COL4A1: variants seen among roughly 807,000 people sequenced by gnomAD.
COL4A1 encodes the protein collagen alpha-1(IV) chain.
In COL4A1, 40 loss-of-function variants were observed where a neutral mutation model predicts 216.6. That is an observed-to-expected ratio of 0.18 (90% confidence interval 0.14 to 0.24). The LOEUF (loss-of-function observed/expected upper bound fraction) is 0.24, where lower values mean the gene tolerates loss of function less well. COL4A1 is among the 10% of genes least tolerant of loss of function. The pLI, the probability that COL4A1 is intolerant of heterozygous loss-of-function variation, is 1.00. For synonymous variants in COL4A1, 839 were observed against 810.7 expected (o/e 1.03, Z -0.59); for missense variants, 1,628 against 2,196.8 (o/e 0.74, Z 5.18).
At chr13:110,275,759 T>C (rs551801933) in intron 1 of COL4A1, among the ~76,000 whole-genome samples, 27 of 152,224 alleles carry the variant, frequency 1.8e-4, no homozygotes, top group Admixed American at 5.9e-4. Context: ...TGGAGGAACC[T>C]CAAATGCATA....
At position 110,212,595 on chromosome 13, in the gene COL4A1, G is replaced by A. The variant is rs1012892048; in HGVS notation, c.303C>T (p.Tyr101=). Residue 101 remains tyrosine (Y), a synonymous_variant, in exon 5 of 52, where the codon TAC becomes TAT. Coordinates refer to ENST00000375820, the MANE Select transcript of COL4A1 (RefSeq NM_001845.6). ...ATACGGGAAGTCCTGGGTTTCCAGG[G>A]TAGCCAGATGCTCCCGGAGGTCCCT... The part of the protein sequence containing the change: ...GTRGPPGASG[Y]PGNPGLPGIP... 7 of 1,614,128 alleles carry A rather than the reference G, an allele frequency of 4.3e-6. No individual in the cohort carries two copies. The highest frequency in any genetic ancestry group is 1.3e-5 in the African/African-American group (1 of 75,054).
intron 1 of COL4A1, among the ~76,000 whole-genome samples, chr13:110,281,248 C>T (rs1883623906): frequency 1.3e-5 from 2 of 152,182 alleles, no homozygotes; most frequent in African/African-American, 4.8e-5. Flanking sequence ...GACTAACCTC[C>T]CCCCGCCATC....
chr13:110,199,298 A>T (rs1457605077), intron 20 of COL4A1, among the ~76,000 whole-genome samples: 1 of 152,184 alleles, frequency 6.6e-6, no homozygotes, highest in Non-Finnish European at 1.5e-5. Flanking sequence ...TATGATGAGG[A>T]GAGTGTGAGA....
At chr13:110,256,284 C>A (rs1882566591) in intron 1 of COL4A1, among the ~76,000 whole-genome samples, 1 of 151,920 alleles carries the variant, frequency 6.6e-6, no homozygotes, top group Non-Finnish European at 1.5e-5. Context: ...AAAAACACAT[C>A]AAAAAAACTA....
At chr13:110,296,986 G>A (rs187545211) in intron 1 of COL4A1, among the ~76,000 whole-genome samples, 2 of 152,334 alleles carry the variant, frequency 1.3e-5, no homozygotes, top group Non-Finnish European at 2.9e-5. Context: ...ACCAGGGCAT[G>A]CCACCTTCTA....
At chr13:110,276,075 G>A (rs534545510) in intron 1 of COL4A1, among the ~76,000 whole-genome samples, 1 of 151,352 alleles carries the variant, frequency 6.6e-6, no homozygotes, top group South Asian at 2.1e-4. Context: ...GGATAGTGAC[G>A]TGTCGGTGCA....
At chr13:110,294,382 A>G (rs4771662) in intron 1 of COL4A1, among the ~76,000 whole-genome samples, 143,557 of 152,322 alleles carry the variant, frequency 0.94, 68,203 homozygotes, top group East Asian at 1. Context: ...GTGCCAAGAA[A>G]TCTTGCACAC....
chr13:110,277,194 T>C lies in COL4A1; in HGVS notation c.84+29750A>G, dbSNP rs570514411. On this transcript the variant is annotated intron_variant, in intron 1 of 51. Coordinates refer to ENST00000375820, the MANE Select transcript of COL4A1 (RefSeq NM_001845.6). Reference sequence around the variant, plus strand: ...TCCTCTGTAGTTATATTCCAGGGCATAAAAGCACTCTCTTAAGCTATTTTT... The same window carrying C: ...TCCTCTGTAGTTATATTCCAGGGCACAAAAGCACTCTCTTAAGCTATTTTT... Among the ~76,000 whole-genome samples the C allele has an allele frequency of 2.6e-5, 4 of 152,368 alleles. No individual in the cohort carries two copies. The South Asian group carries it at 8.3e-4, about 32-fold the overall frequency.
In COL4A1 at chr13:110,149,212, C is replaced by A. The variant is rs1026258027; in HGVS notation, c.*1151G>T. 6.5e-6 allele frequency: 1 copy of A among 154,728 alleles called. No homozygotes were observed. The highest frequency in any genetic ancestry group is 1.9e-4 in the East Asian group (1 of 5,194). The allele number at this position is 154,728 out of a possible 1,614,324, so 9.6% of individuals were successfully genotyped here. A position where few individuals can be genotyped will look rare whatever the true frequency, so the allele number is the denominator to read the frequency against. ...CTAGTGGTCCGAATCTGCCCTCCTG[C>A]GGTCCATGCGATGCCCTGCTGAGGT... On this transcript the variant is annotated 3_prime_UTR_variant, in exon 52 of 52. Coordinates refer to ENST00000375820, the MANE Select transcript of COL4A1 (RefSeq NM_001845.6).
At chr13:110,219,678 G>GTATATATA (rs1555307861) in intron 2 of COL4A1, among the ~76,000 whole-genome samples, 4,641 of 123,170 alleles carry the variant, frequency 0.038, 111 homozygotes, top group Non-Finnish European at 0.049. Flanking sequence ...ATATATATAT[G>GTATATATA]TGTATATATA....
intron 21 of COL4A1, among the ~76,000 whole-genome samples, chr13:110,195,952 T>C (rs940849386): frequency 2.6e-5 from 4 of 152,104 alleles, no homozygotes; most frequent in Non-Finnish European, 5.9e-5. Context: ...ACGCCCTGAG[T>C]CCCAGACTAT....
intron 1 of COL4A1, among the ~76,000 whole-genome samples, chr13:110,279,561 C>T (rs916869922): frequency 1.3e-5 from 2 of 152,088 alleles, no homozygotes; most frequent in Non-Finnish European, 2.9e-5. Flanking sequence ...GCTGGAGGAC[C>T]ACACACACAT....
At chr13:110,172,327 G>A (rs756705484) in intron 41 of COL4A1, among the ~76,000 whole-genome samples, 1 of 152,210 alleles carries the variant, frequency 6.6e-6, no homozygotes, top group Non-Finnish European at 1.5e-5. Context: ...TCGTGGCTGC[G>A]CAGGGCATGT....
rs1002737874 is a variant in COL4A1 at position 110,201,518 on chromosome 13, A to C, written c.1004T>G (p.Ile335Arg). The part of the protein sequence containing the change: ...AGPPGPPGIV[I>R]GTGPLGEKGE... ...TTTTTCTCCCAAAGGTCCTGTGCCTATAACCTGAATCGAGAAGGAAAAGGT... is the reference window on the plus strand; with the variant it reads ...TTTTTCTCCCAAAGGTCCTGTGCCTCTAACCTGAATCGAGAAGGAAAAGGT... The change falls in exon 19 of 52, where the codon ATA (isoleucine) becomes AGA (arginine). Residue 335 changes from isoleucine (I) to arginine (R), a missense_variant. Ile to Arg is a moderately conservative substitution (Grantham distance 97). Around this residue, in one of 8 missense-constraint regions of COL4A1, gnomAD observed 701 missense variants for 892.5 expected, o/e 0.79. Coordinates refer to ENST00000375820, the MANE Select transcript of COL4A1 (RefSeq NM_001845.6). 1 of 1,614,174 alleles carries C rather than the reference A, an allele frequency of 6.2e-7. No individual in the cohort carries two copies. Among genetic ancestry groups the C allele is most frequent in the East Asian group, 2.2e-5 (1 of 44,888 alleles).
intron 22 of COL4A1, among the ~76,000 whole-genome samples, chr13:110,194,061 A>C (rs946343147): frequency 6.6e-6 from 1 of 152,214 alleles, no homozygotes; most frequent in Admixed American, 6.5e-5. Context: ...TGGATCTGTC[A>C]TAAAATGGAA....
At chr13:110,196,727 A>G (rs1037378191) in intron 21 of COL4A1, among the ~76,000 whole-genome samples, 1 of 152,236 alleles carries the variant, frequency 6.6e-6, no homozygotes, top group African/African-American at 2.4e-5. Context: ...CCTTCTCATC[A>G]AGGGTATCTG....
intron 1 of COL4A1, among the ~76,000 whole-genome samples, chr13:110,280,297 A>T (rs1883580674): frequency 6.6e-6 from 1 of 152,214 alleles, no homozygotes; most frequent in African/African-American, 2.4e-5. Flanking sequence ...TTCAGACACA[A>T]CAAAAATGCA....
intron 1 of COL4A1, among the ~76,000 whole-genome samples, chr13:110,251,227 C>T (rs1416199764): frequency 6.6e-6 from 1 of 152,254 alleles, no homozygotes; most frequent in Non-Finnish European, 1.5e-5. Context: ...TGGCCTACTC[C>T]TTCCACACCC....
At chr13:110,208,300 C>T (rs1879611740) in intron 12 of COL4A1, among the ~76,000 whole-genome samples, 1 of 152,216 alleles carries the variant, frequency 6.6e-6, no homozygotes, top group South Asian at 2.1e-4. Context: ...CCTCCCACAC[C>T]CACTTGGTCC....
Sources: gnomAD v4.1 joint callset for allele counts (sites outside exome capture counted in the v4.1 genomes callset) on GRCh38, gnomAD v4.1.1 for gene constraint, gnomAD v4.1.1 regional missense constraint, MANE v1.5 for transcripts, NCBI Gene and HGNC (gene_info 2026-07-23, HGNC 2026-07-21) for gene names.